Variants in MCF2L2 observed in about 807,000 individuals in gnomAD.
MCF2L2 encodes probable guanine nucleotide exchange factor MCF2L2.
MCF2L2 carries 102 observed loss-of-function variants against 150.2 expected under a neutral mutation model. The observed-to-expected ratio is 0.68, with a 90% CI of 0.58 to 0.80. MCF2L2 has a LOEUF of 0.80. Ranked by LOEUF, MCF2L2 falls within the 30% of genes least tolerant of loss-of-function variation. The pLI is 0.00. For synonymous variants in MCF2L2, 465 were observed against 491.3 expected (o/e 0.95, Z 0.71); for missense variants, 1,256 against 1,372.8 (o/e 0.91, Z 1.34).
intron 1 of MCF2L2, among the ~76,000 whole-genome samples, chr3:183,394,294 C>A (rs1323972543): frequency 1.3e-5 from 2 of 152,246 alleles, no homozygotes; most frequent in African/African-American, 4.8e-5. Flanking sequence ...AGGGCACCAG[C>A]TGTGAGCTGG....
intron 1 of MCF2L2, among the ~76,000 whole-genome samples, chr3:183,399,471 G>T (rs1451653708): frequency 3.3e-5 from 5 of 152,180 alleles, no homozygotes; most frequent in Non-Finnish European, 7.4e-5. Context: ...ACCAATAAGT[G>T]CATTTCTAAA....
chr3:183,364,951 C>T (rs992167833), intron 3 of MCF2L2, among the ~76,000 whole-genome samples: 1 of 152,080 alleles, frequency 6.6e-6, no homozygotes, highest in Non-Finnish European at 1.5e-5. Context: ...AGTCTCAATG[C>T]CACAAAATTG....
intron 15 of MCF2L2, among the ~76,000 whole-genome samples, chr3:183,231,917 G>A (rs540410840): frequency 2.6e-5 from 4 of 152,196 alleles, no homozygotes; most frequent in Admixed American, 6.5e-5. Flanking sequence ...GGAAGATGTG[G>A]TGGACAGAAT....
intron 3 of MCF2L2, among the ~76,000 whole-genome samples, chr3:183,351,240 ATTTATT>A (rs1560035116): frequency 5.8e-5 from 5 of 85,864 alleles, no homozygotes; most frequent in African/African-American, 3.2e-4. Flanking sequence ...ATATATATTT[ATTTATT>A]TATTTATCAG....
rs145447250 is a variant in MCF2L2, at chr3:183,209,432, T to C, written c.2497-1609A>G. On this transcript the variant is annotated intron_variant, in intron 22 of 29. Transcript: ENST00000328913. ...GTGAAAAATTCCATACCTGACCACA[T>C]GTGATGGGTGGCAGTCAAAACACAG... 6.8e-3 allele frequency among the ~76,000 whole-genome samples: 1,031 copies of C among 152,280 alleles called. 12 individuals are homozygous for C. Among genetic ancestry groups the C allele is most frequent in the African/African-American group, 0.023 (948 of 41,538 alleles).
chr3:183,427,539 T>G (rs529351403), intron 1 of MCF2L2, among the ~76,000 whole-genome samples: 1 of 152,190 alleles, frequency 6.6e-6, no homozygotes, highest in Non-Finnish European at 1.5e-5. Context: ...GTTCCTCTTA[T>G]GCCCTCTCCT....
At chr3:183,348,685 C>T (rs1225747238) in intron 3 of MCF2L2, among the ~76,000 whole-genome samples, 1 of 152,088 alleles carries the variant, frequency 6.6e-6, no homozygotes, top group African/African-American at 2.4e-5. Context: ...GTAAAACATA[C>T]ACCATGCTAT....
chr3:183,290,465 A>G (rs751162482), intron 13 of MCF2L2, among the ~76,000 whole-genome samples: 2 of 152,130 alleles, frequency 1.3e-5, no homozygotes, highest in African/African-American at 2.4e-5. Context: ...CCACCCTTGC[A>G]TATGCTGGTC....
At chr3:183,407,955 C>G (rs114881289) in intron 1 of MCF2L2, among the ~76,000 whole-genome samples, 113 of 152,120 alleles carry the variant, frequency 7.4e-4, no homozygotes, top group African/African-American at 2.5e-3. Flanking sequence ...TGGGAGGTGC[C>G]AGTAAATTGG....
At chr3:183,199,544 T>C (rs576899804) in intron 25 of MCF2L2, among the ~76,000 whole-genome samples, 2 of 152,094 alleles carry the variant, frequency 1.3e-5, no homozygotes, top group Admixed American at 1.3e-4. Flanking sequence ...CCAAATTCTC[T>C]TCTTTGTGAA....
chr3:183,277,093 T>C lies in MCF2L2; in HGVS notation c.1777-136A>G, dbSNP rs903436173. The stretch of plus-strand genomic sequence containing the variant: ...CAAAATATCCAGTTTCTCATGCCGC[T>C]TTCTCAGGTTTTCCCCAGCCACTCT... On this transcript the variant is annotated intron_variant, in intron 14 of 29. Transcript: ENST00000328913. 3 of 622,936 alleles carry C rather than the reference T, an allele frequency of 4.8e-6. No homozygotes were observed. The African/African-American group carries it at 5.7e-5, about 12-fold the overall frequency. The allele number at this position is 622,936 out of a possible 1,614,324, so 38.6% of individuals were successfully genotyped here. A position where few individuals can be genotyped will look rare whatever the true frequency, so the allele number is the denominator to read the frequency against.
At chr3:183,261,634 T>G (rs116508603) in intron 15 of MCF2L2, among the ~76,000 whole-genome samples, 552 of 152,280 alleles carry the variant, frequency 3.6e-3, no homozygotes, top group African/African-American at 0.013. Flanking sequence ...ATTGATTTTT[T>G]AAATGAAGAA....
intron 16 of MCF2L2, 75 bp from the exon 17 acceptor site, chr3:183,229,856 C>A: frequency 1.6e-6 from 1 of 611,756 alleles, no homozygotes; most frequent in East Asian, 2.9e-5. Context: ...TACTGCAAAA[C>A]CCAAAACTTT....
chr3:183,216,568 ATATATATATATATTTTTTTTTTT>A (rs1347737892), intron 21 of MCF2L2, among the ~76,000 whole-genome samples: 1,555 of 6,954 alleles, frequency 0.22, 60 homozygotes, highest in Non-Finnish European at 0.29. Flanking sequence ...ATATATATAT[ATATATATATATATTTTTTTTTTT>A]TTTTTTTTTT....
intron 1 of MCF2L2, among the ~76,000 whole-genome samples, chr3:183,423,779 C>T (rs1716017999): frequency 6.6e-6 from 1 of 151,902 alleles, no homozygotes; most frequent in African/African-American, 2.4e-5. Context: ...GCTGGGATTA[C>T]AGGCATGCAT....
chr3:183,421,807 TTTTG>T (rs755082155), intron 1 of MCF2L2, among the ~76,000 whole-genome samples: 51 of 152,352 alleles, frequency 3.3e-4, no homozygotes, highest in Admixed American at 1.5e-3. Context: ...TGGGGCTTGT[TTTTG>T]TTTGTTTGCT....
At chr3:183,425,400 T>C (rs1459337309) in intron 1 of MCF2L2, among the ~76,000 whole-genome samples, 1 of 151,972 alleles carries the variant, frequency 6.6e-6, no homozygotes, top group Non-Finnish European at 1.5e-5. Flanking sequence ...ACCCGGAGAA[T>C]GTTCCAACCC....
Position 183,306,334 on chromosome 3 carries a change from A to G in MCF2L2, c.1113+3382T>C, listed in dbSNP as rs556830853. Among the ~76,000 whole-genome samples, 120 of 152,288 alleles carry G rather than the reference A, an allele frequency of 7.9e-4. No individual in the cohort carries two copies. The South Asian group carries it at 0.011, about 14-fold the overall frequency. On this transcript the variant is annotated intron_variant, in intron 10 of 29. Transcript: ENST00000328913. ...AAATAGTCATCAAAATCTCCAAAGT[A>G]AAAAAGAAAGAGTGAGGGAAAAAAT...
intron 1 of MCF2L2, chr3:183,400,630 T>C: frequency 2.9e-6 from 1 of 348,838 alleles, no homozygotes; most frequent in Non-Finnish European, 5.7e-6. Flanking sequence ...CGAGAGTTGA[T>C]CCTTTTGATT....
Sources: gnomAD v4.1 joint callset for allele counts (sites outside exome capture counted in the v4.1 genomes callset) on GRCh38, gnomAD v4.1.1 for gene constraint, MANE v1.5 for transcripts, NCBI Gene and HGNC (gene_info 2026-07-23, HGNC 2026-07-21) for gene names.